RAD54B: variants seen among roughly 807,000 people sequenced by gnomAD.
The protein encoded by RAD54B is DNA repair and recombination protein RAD54B.
In RAD54B, 78 loss-of-function variants were observed where a neutral mutation model predicts 95.8. The observed-to-expected ratio is 0.81, with a 90% CI of 0.68 to 0.98. The LOEUF is 0.98. Ranked by LOEUF, RAD54B falls within the 50% of genes least tolerant of loss-of-function variation. The pLI is 0.00. For synonymous variants in RAD54B, 328 were observed against 354.9 expected (o/e 0.92, Z 0.85); for missense variants, 957 against 1,056.6 (o/e 0.91, Z 1.31).
At chr8:94,437,412 T>G (rs1216105726) in intron 3 of RAD54B, among the ~76,000 whole-genome samples, 1 of 152,180 alleles carries the variant, frequency 6.6e-6, no homozygotes, top group Admixed American at 6.5e-5. Context: ...GTGTTCTCCC[T>G]TACAAAATCT....
chr8:94,404,974 C>T (rs1480495567), intron 5 of RAD54B, among the ~76,000 whole-genome samples: 3 of 151,898 alleles, frequency 2.0e-5, no homozygotes, highest in East Asian at 3.9e-4. Context: ...CCACCACACC[C>T]GGCTAATTTT....
In RAD54B at chr8:94,461,774, C is replaced by T. The variant is rs532231575; in HGVS notation, c.136-3338G>A. Among the ~76,000 whole-genome samples, 9 of 152,268 alleles carry T rather than the reference C, an allele frequency of 5.9e-5. No homozygotes were observed. The East Asian group carries it at 7.7e-4, about 13-fold the overall frequency. ...CACACACGTGAGAGTAAACTGCAGA[C>T]GCTATGCTCCTTCGCCTCTAAATAC... On this transcript the variant is annotated intron_variant, in intron 2 of 14. Transcript: ENST00000336148.
chr8:94,472,339 T>G (rs528148539), intron 1 of RAD54B, among the ~76,000 whole-genome samples: 5 of 152,166 alleles, frequency 3.3e-5, no homozygotes, highest in Non-Finnish European at 7.4e-5. Flanking sequence ...GACACAAGTT[T>G]GAAATTGATT....
intron 3 of RAD54B, chr8:94,427,593 G>C: frequency 2.5e-6 from 1 of 404,698 alleles, no homozygotes; most frequent in Non-Finnish European, 3.3e-6. Flanking sequence ...ATGGTACATT[G>C]GCCATCTATT....
intron 1 of RAD54B, among the ~76,000 whole-genome samples, chr8:94,474,446 T>C (rs1813245457): frequency 6.6e-6 from 1 of 152,230 alleles, no homozygotes; most frequent in Non-Finnish European, 1.5e-5. Flanking sequence ...TTTAAATCCA[T>C]TTTCCATTTG....
chr8:94,405,012 C>G (rs971450471), intron 5 of RAD54B, among the ~76,000 whole-genome samples: 1 of 152,204 alleles, frequency 6.6e-6, no homozygotes, highest in South Asian at 2.1e-4. Flanking sequence ...CAAGGTTTCA[C>G]CATGTTAGCC....
At position 94,391,863 on chromosome 8, in the gene RAD54B, G is replaced by A; in HGVS notation, c.1555C>T (p.Leu519Phe). The change falls in exon 10 of 15, where the codon CTT becomes TTT. Residue 519 changes from leucine to phenylalanine, a missense_variant. Coordinates refer to ENST00000336148, the MANE Select transcript of RAD54B (RefSeq NM_012415.3). The part of the protein sequence containing the change: ...KELGERRAAE[L>F]TCLTGLFILR... ...ATAAAGAGTCCAGTGAGGCAAGTAA[G>A]TTCAGCTGCTCTTCTTTCTCCTAAC... 1 of 1,612,240 alleles carries A rather than the reference G, an allele frequency of 6.2e-7. No homozygotes were observed. Among genetic ancestry groups the A allele is most frequent in the Non-Finnish European group, 8.5e-7 (1 of 1,179,558 alleles).
intron 9 of RAD54B, 78 bp from the exon 10 acceptor site, chr8:94,391,977 T>C: frequency 2.3e-6 from 3 of 1,332,050 alleles, no homozygotes; most frequent in South Asian, 1.4e-5. Flanking sequence ...GATTTCATAA[T>C]GATAAACCAT....
At chr8:94,438,582 A>G (rs1349827951) in intron 3 of RAD54B, among the ~76,000 whole-genome samples, 2 of 152,218 alleles carry the variant, frequency 1.3e-5, no homozygotes, top group African/African-American at 4.8e-5. Context: ...CTTTATTTAG[A>G]TAATTATTTT....
At position 94,399,632 on chromosome 8, in the gene RAD54B, A is replaced by C. The variant is rs188522169; in HGVS notation, c.1171-11T>G. On this transcript the variant is annotated splice_polypyrimidine_tract_variant and intron_variant, in intron 7 of 14. Transcript: ENST00000336148. ...TTCAACTTTGTGGTCCTGAGGAAAAAAGATAGTATTTTAAAAATCAGGAAC... is the reference window on the plus strand; with the variant it reads ...TTCAACTTTGTGGTCCTGAGGAAAACAGATAGTATTTTAAAAATCAGGAAC... 9.4e-6 allele frequency: 15 copies of C among 1,588,722 alleles called. No individual in the cohort carries two copies. In the East Asian group the frequency reaches 3.4e-4, roughly 36 times the overall value.
At chr8:94,462,103 G>C (rs1261703588) in intron 2 of RAD54B, among the ~76,000 whole-genome samples, 5 of 152,038 alleles carry the variant, frequency 3.3e-5, no homozygotes, top group Non-Finnish European at 7.3e-5. Flanking sequence ...CCTCAATCTG[G>C]ATTTGTCTGA....
intron 1 of RAD54B, among the ~76,000 whole-genome samples, chr8:94,474,202 T>C (rs1023993161): frequency 6.6e-6 from 1 of 152,058 alleles, no homozygotes; most frequent in African/African-American, 2.4e-5. Context: ...CAATAGACAG[T>C]GGAGACAACT....
rs994573191 is a variant in RAD54B, at chr8:94,431,886, T to C, written c.305-20571A>G. On this transcript the variant is annotated intron_variant, in intron 3 of 14. Transcript: ENST00000336148. Reference sequence around the variant, plus strand: ...CTTAGTGATCAGAATAAAATATCTTTTGTAAGGTCAACAATTAAACTTAGG... The same window carrying C: ...CTTAGTGATCAGAATAAAATATCTTCTGTAAGGTCAACAATTAAACTTAGG... 9.4e-6 allele frequency: 11 copies of C among 1,173,502 alleles called. No individual in the cohort carries two copies. In the South Asian group the frequency reaches 3.0e-4, roughly 33 times the overall value. The allele number at this position is 1,173,502 out of a possible 1,614,324, so 72.7% of individuals were successfully genotyped here.
chr8:94,450,192 T>C (rs1228057526), intron 3 of RAD54B, among the ~76,000 whole-genome samples: 2 of 152,226 alleles, frequency 1.3e-5, no homozygotes, highest in East Asian at 1.9e-4. Flanking sequence ...TCCTTGCAGT[T>C]ATGTCTAGGT....
chr8:94,391,552 T>G, intron 10 of RAD54B, 57 bp downstream of exon 10: 1 of 1,526,594 alleles, frequency 6.6e-7, no homozygotes, highest in Non-Finnish European at 8.8e-7. Context: ...CCCTCTTAGA[T>G]TCATATACTA....
intron 3 of RAD54B, among the ~76,000 whole-genome samples, chr8:94,446,694 C>G (rs890082792): frequency 2.6e-5 from 4 of 152,142 alleles, no homozygotes; most frequent in Non-Finnish European, 5.9e-5. Context: ...TGTCATCTGG[C>G]CTTCACAGAT....
chr8:94,410,977 T>G, intron 4 of RAD54B, 144 bp downstream of exon 4: 1 of 583,974 alleles, frequency 1.7e-6, no homozygotes, highest in Non-Finnish European at 2.9e-6. Context: ...GATTATTTTA[T>G]GTATTATACA....
intron 14 of RAD54B, among the ~76,000 whole-genome samples, chr8:94,377,931 G>A (rs1484481828): frequency 2.5e-4 from 32 of 126,470 alleles, no homozygotes; most frequent in Admixed American, 3.9e-4. Context: ...AGCCGAGATC[G>A]CGCCACTGCA....
At chr8:94,434,811 G>C (rs1285111810) in intron 3 of RAD54B, among the ~76,000 whole-genome samples, 1 of 151,102 alleles carries the variant, frequency 6.6e-6, no homozygotes, top group Admixed American at 6.6e-5. Context: ...CTAACAAATT[G>C]GTATTATTTA....
Sources: gnomAD v4.1 joint callset for allele counts (sites outside exome capture counted in the v4.1 genomes callset) on GRCh38, gnomAD v4.1.1 for gene constraint, MANE v1.5 for transcripts, NCBI Gene and HGNC (gene_info 2026-07-23, HGNC 2026-07-21) for gene names.